The following PCSK6 variants were observed in gnomAD, a reference collection of about 807,000 sequenced individuals.
The protein encoded by PCSK6 is proprotein convertase subtilisin/kexin type 6.
Under a neutral mutation model 123.3 loss-of-function variants are expected in PCSK6, and 85 were observed. That is an observed-to-expected ratio of 0.69 (90% confidence interval 0.58 to 0.83). The LOEUF is 0.83. Among genes scored for constraint, PCSK6 ranks in the 40% least tolerant of loss-of-function variants. PCSK6 has a pLI of 0.00. For missense variants in PCSK6, 1,191 were observed against 1,282.3 expected (o/e 0.93, Z 1.09); for synonymous variants, 508 against 516.0 (o/e 0.98, Z 0.21).
At chr15:101,380,353 C>T (rs867506815) in intron 11 of PCSK6, among the ~76,000 whole-genome samples, 5 of 152,204 alleles carry the variant, frequency 3.3e-5, no homozygotes, top group Non-Finnish European at 2.9e-5. Flanking sequence ...GCGGAGGCGC[C>T]GGGGCAGAGG....
chr15:101,391,841 G>A (rs3784482), intron 8 of PCSK6, among the ~76,000 whole-genome samples: 29,010 of 152,130 alleles, frequency 0.19, 2,963 homozygotes, highest in South Asian at 0.3. Flanking sequence ...CAGTGACCAA[G>A]ACAAAGTATA....
chr15:101,393,185 G>A, intron 8 of PCSK6, 27 bp downstream of exon 8: 1 of 1,556,158 alleles, frequency 6.4e-7, no homozygotes, highest in Non-Finnish European at 8.8e-7. Context: ...CTCACTGTAA[G>A]CACTCCAACT....
intron 1 of PCSK6, among the ~76,000 whole-genome samples, chr15:101,486,509 C>A (rs1341986621): frequency 6.6e-6 from 1 of 152,202 alleles, no homozygotes; most frequent in Non-Finnish European, 1.5e-5. Context: ...TGACATTGGA[C>A]ACTTCCACAT....
At chr15:101,374,956 CTT>C (rs764121036) in intron 11 of PCSK6, among the ~76,000 whole-genome samples, 20 of 143,496 alleles carry the variant, frequency 1.4e-4, no homozygotes, top group Admixed American at 1.4e-4. Flanking sequence ...CATGAAATTA[CTT>C]TTTTTTTTTT....
At chr15:101,318,862 G>A (rs1038243828) in intron 18 of PCSK6, among the ~76,000 whole-genome samples, 1 of 152,206 alleles carries the variant, frequency 6.6e-6, no homozygotes, top group Non-Finnish European at 1.5e-5. Flanking sequence ...ACCCCAACCC[G>A]CTCTTGCCTC....
chr15:101,437,082 A>T (rs2056622295), intron 2 of PCSK6, among the ~76,000 whole-genome samples: 1 of 152,114 alleles, frequency 6.6e-6, no homozygotes, highest in Non-Finnish European at 1.5e-5. Context: ...TTTCCTCTGG[A>T]GAGCGAGAGG....
intron 6 of PCSK6, among the ~76,000 whole-genome samples, chr15:101,426,262 T>A (rs2056251637): frequency 6.6e-6 from 1 of 152,100 alleles, no homozygotes; most frequent in African/African-American, 2.4e-5. Context: ...ATAACAAAAC[T>A]GGGGAGGCAG....
intron 19 of PCSK6, 119 bp from the exon 20 acceptor site, chr15:101,313,624 C>G: frequency 2.1e-6 from 3 of 1,431,638 alleles, no homozygotes; most frequent in South Asian, 1.4e-5. Flanking sequence ...AGGCCACCAC[C>G]ACAGCTGCCA....
At chr15:101,454,379 CTG>C (rs967254691) in intron 1 of PCSK6, among the ~76,000 whole-genome samples, 6 of 152,184 alleles carry the variant, frequency 3.9e-5, no homozygotes, top group Admixed American at 6.5e-5. Flanking sequence ...ACCCAGGTGT[CTG>C]TGGCTGGTTG....
chr15:101,356,835 G>A (rs2041059273), intron 13 of PCSK6, among the ~76,000 whole-genome samples: 1 of 152,220 alleles, frequency 6.6e-6, no homozygotes. Flanking sequence ...GGAAGAGAGT[G>A]ATCCTGGGAG....
At chr15:101,484,545 C>T (rs188868516) in intron 1 of PCSK6, among the ~76,000 whole-genome samples, 3 of 152,318 alleles carry the variant, frequency 2.0e-5, no homozygotes, top group East Asian at 3.9e-4. Flanking sequence ...TGCACCACCA[C>T]GCCCAGCTAA....
chr15:101,454,500 T>C (rs894491577), intron 1 of PCSK6, among the ~76,000 whole-genome samples: 1 of 152,200 alleles, frequency 6.6e-6, no homozygotes, highest in Non-Finnish European at 1.5e-5. Flanking sequence ...GAGGACGCTG[T>C]GCTCAGTGAA....
At chr15:101,371,719 T>TGCCTCC (rs1183223618) in intron 11 of PCSK6, among the ~76,000 whole-genome samples, 1 of 151,450 alleles carries the variant, frequency 6.6e-6, no homozygotes, top group Non-Finnish European at 1.5e-5. Context: ...CAGGCCTCAC[T>TGCCTCC]GCCTCCGCCT....
chr15:101,370,581 C>CA, intron 11 of PCSK6, 58 bp from the exon 12 acceptor site: 4 of 1,371,194 alleles, frequency 2.9e-6, no homozygotes, highest in Non-Finnish European at 3.8e-6. Context: ...CTCACCCACA[C>CA]AGCCAGGAGC....
chr15:101,391,060 G>T (rs1596277369), intron 8 of PCSK6, among the ~76,000 whole-genome samples: 1 of 152,160 alleles, frequency 6.6e-6, no homozygotes, highest in Admixed American at 6.5e-5. Context: ...GTGGGGGTCT[G>T]GTCTGTGTCA....
At chr15:101,318,492 C>G (rs983907145) in intron 18 of PCSK6, 70 bp from the exon 19 acceptor site, 1 of 1,269,984 alleles carries the variant, frequency 7.9e-7, no homozygotes, top group African/African-American at 1.5e-5. Context: ...CCTCTAGCAC[C>G]TTTCCCAAGA....
At position 101,304,958 on chromosome 15, in the gene PCSK6, A is replaced by G. The variant is rs535410389; in HGVS notation, c.*300T>C. On this transcript the variant is annotated 3_prime_UTR_variant, in exon 22 of 22. Transcript: ENST00000611716. ...TTGGTCTTGAAGATTCAGTAAACTT[A>G]TGGTCCCAGAAGCTGCTCCAAAGCC... 2.9e-6 allele frequency: 1 copy of G among 346,600 alleles called. No individual in the cohort carries two copies. The highest frequency in any genetic ancestry group is 5.3e-5 in the South Asian group (1 of 19,000). 21.5% of individuals were successfully genotyped at this position (346,600 alleles called of 1,614,324 possible).
At chr15:101,363,053 C>T (rs893320728) in intron 13 of PCSK6, among the ~76,000 whole-genome samples, 4 of 152,108 alleles carry the variant, frequency 2.6e-5, no homozygotes, top group Non-Finnish European at 4.4e-5. Flanking sequence ...CTTGTTCTGC[C>T]GGCTTTGCCA....
chr15:101,383,409 CA>C (rs35670221), intron 10 of PCSK6, among the ~76,000 whole-genome samples: 132 of 76,500 alleles, frequency 1.7e-3, no homozygotes, highest in Middle Eastern at 7.2e-3. Context: ...GACTCTGTCT[CA>C]AAAAAAAAAA....
Sources: gnomAD v4.1 joint callset for allele counts (sites outside exome capture counted in the v4.1 genomes callset) on GRCh38, gnomAD v4.1.1 for gene constraint, MANE v1.5 for transcripts, NCBI Gene and HGNC (gene_info 2026-07-23, HGNC 2026-07-21) for gene names.